The following LRRC4C variants were observed in gnomAD, a reference collection of about 807,000 sequenced individuals.
LRRC4C encodes the protein leucine rich repeat containing 4C.
In LRRC4C, 5 loss-of-function variants were observed where a neutral mutation model predicts 33.6. The observed-to-expected ratio is 0.15, with a 90% confidence interval of 0.08 to 0.31. LRRC4C has a LOEUF of 0.31. Ranked by LOEUF, LRRC4C falls within the 10% of genes least tolerant of loss-of-function variation. The pLI, the probability that LRRC4C is intolerant of heterozygous loss-of-function variation, is 1.00. For missense variants in LRRC4C, 560 were observed against 796.7 expected (o/e 0.70, Z 3.58); for synonymous variants, 329 against 302.0 (o/e 1.09, Z -0.93).
intron 1 of LRRC4C, among the ~76,000 whole-genome samples, chr11:41,220,716 A>G (rs1947269949): frequency 6.6e-6 from 1 of 152,206 alleles, no homozygotes; most frequent in Non-Finnish European, 1.5e-5. Context: ...TTTAATAAAC[A>G]TAACTAAAAG....
At chr11:40,825,415 T>A (rs1952118651) in intron 2 of LRRC4C, among the ~76,000 whole-genome samples, 1 of 152,050 alleles carries the variant, frequency 6.6e-6, no homozygotes, top group Non-Finnish European at 1.5e-5. Flanking sequence ...TACTGCCTAG[T>A]TCCTCTCTCC....
intron 1 of LRRC4C, among the ~76,000 whole-genome samples, chr11:41,174,341 G>T (rs1324115345): frequency 9.2e-5 from 14 of 151,978 alleles, no homozygotes; most frequent in Admixed American, 9.2e-4. Flanking sequence ...TCAAATAACA[G>T]AATAAAATAA....
intron 3 of LRRC4C, among the ~76,000 whole-genome samples, chr11:40,553,682 T>G (rs181484094): frequency 6.6e-6 from 1 of 152,220 alleles, no homozygotes; most frequent in Non-Finnish European, 1.5e-5. Context: ...ATTAGTGATG[T>G]TGAGAATTTT....
At chr11:40,311,492 C>A (rs548846771) in intron 4 of LRRC4C, among the ~76,000 whole-genome samples, 1 of 152,132 alleles carries the variant, frequency 6.6e-6, no homozygotes, top group Non-Finnish European at 1.5e-5. Flanking sequence ...AAAATAAGAT[C>A]ACATACAAAT....
intron 2 of LRRC4C, among the ~76,000 whole-genome samples, chr11:40,912,238 T>C (rs1055035074): frequency 6.6e-6 from 1 of 152,012 alleles, no homozygotes; most frequent in African/African-American, 2.4e-5. Context: ...CCAAGACACA[T>C]AATTGTCAGA....
intron 4 of LRRC4C, among the ~76,000 whole-genome samples, chr11:40,302,637 C>T (rs1291185744): frequency 6.6e-6 from 1 of 152,128 alleles, no homozygotes; most frequent in Admixed American, 6.5e-5. Context: ...TAGGTGCTAA[C>T]ACTTTAGTAC....
chr11:40,784,026 G>T (rs1479199602), intron 2 of LRRC4C, among the ~76,000 whole-genome samples: 1 of 151,926 alleles, frequency 6.6e-6, no homozygotes, highest in Admixed American at 6.6e-5. Flanking sequence ...ATTCTGAGTT[G>T]TCCTTTAGTT....
chr11:41,300,532 G>A (rs1290661271), intron 1 of LRRC4C, among the ~76,000 whole-genome samples: 2 of 152,170 alleles, frequency 1.3e-5, no homozygotes, highest in African/African-American at 2.4e-5. Context: ...CTTCAATGAT[G>A]TGGGAATGTC....
intron 4 of LRRC4C, among the ~76,000 whole-genome samples, chr11:40,282,218 G>A (rs1025864592): frequency 6.6e-6 from 1 of 152,124 alleles, no homozygotes; most frequent in African/African-American, 2.4e-5. Context: ...GGTGGCATGT[G>A]CCTGTAATCC....
At position 40,168,982 on chromosome 11, in the gene LRRC4C, G is replaced by GA. The variant is rs1554963344; in HGVS notation, c.-95-28130_-95-28129insT. Among the ~76,000 whole-genome samples, 24 of 151,154 alleles carry GA rather than the reference G, an allele frequency of 1.6e-4. No individual in the cohort carries two copies. In the South Asian group the frequency reaches 4.6e-3, roughly 29 times the overall value. On this transcript the variant is annotated intron_variant, in intron 5 of 6. Transcript: ENST00000528697. ...ACCCCATGTCCCAGTCTTTACTTTA[G>GA]TTTTTTTTTCCTTCTAATTATTGCA...
At chr11:41,233,690 T>C (rs1947899983) in intron 1 of LRRC4C, among the ~76,000 whole-genome samples, 1 of 152,034 alleles carries the variant, frequency 6.6e-6, no homozygotes, top group South Asian at 2.1e-4. Context: ...TATGATAAAC[T>C]AAACACAGAT....
chr11:40,783,246 A>G (rs958672817), intron 2 of LRRC4C, among the ~76,000 whole-genome samples: 5 of 151,908 alleles, frequency 3.3e-5, no homozygotes, highest in Non-Finnish European at 7.4e-5. Flanking sequence ...ATCTTATAAG[A>G]GATTATTTGG....
At position 41,054,381 on chromosome 11, in the gene LRRC4C, G is replaced by A. The variant is rs377511814; in HGVS notation, c.-495-120658C>T. On this transcript the variant is annotated intron_variant, in intron 1 of 6. Transcript: ENST00000528697. ...AAAGACAGCATGAAACTTGCTCTCC[G>A]TCAGACAGAAGAGGACATTCTGATA... Among the ~76,000 whole-genome samples the A allele has an allele frequency of 3.9e-5, 6 of 152,284 alleles. No individual in the cohort carries two copies. In the South Asian group the frequency reaches 6.2e-4, roughly 16 times the overall value.
chr11:40,532,983 CT>C (rs938693077), intron 3 of LRRC4C, among the ~76,000 whole-genome samples: 2 of 152,056 alleles, frequency 1.3e-5, no homozygotes, highest in African/African-American at 4.8e-5. Context: ...ACCATCAGAT[CT>C]TGTGGGAACT....
chr11:40,717,649 C>T (rs554496748), intron 2 of LRRC4C, among the ~76,000 whole-genome samples: 1 of 152,172 alleles, frequency 6.6e-6, no homozygotes, highest in African/African-American at 2.4e-5. Flanking sequence ...CGCTGTAAAA[C>T]CTGTACACAG....
intron 4 of LRRC4C, among the ~76,000 whole-genome samples, chr11:40,307,359 G>C (rs996102276): frequency 6.6e-6 from 1 of 152,130 alleles, no homozygotes; most frequent in Non-Finnish European, 1.5e-5. Context: ...ATAATCAATA[G>C]AATTGTGGCT....
intron 2 of LRRC4C, among the ~76,000 whole-genome samples, chr11:40,931,286 CT>C (rs1385042434): frequency 2.1e-4 from 32 of 152,196 alleles, no homozygotes; most frequent in Admixed American, 3.3e-4. Context: ...TTTCTTCCTT[CT>C]ATTGTGTACA....
chr11:40,408,230 C>T (rs1460472414), intron 3 of LRRC4C, among the ~76,000 whole-genome samples: 1 of 151,952 alleles, frequency 6.6e-6, no homozygotes, highest in Non-Finnish European at 1.5e-5. Flanking sequence ...TTTCCCCTCA[C>T]AATGTTTCAA....
At chr11:41,249,605 C>T (rs745426260) in intron 1 of LRRC4C, among the ~76,000 whole-genome samples, 12 of 152,266 alleles carry the variant, frequency 7.9e-5, no homozygotes, top group Middle Eastern at 6.8e-3. Flanking sequence ...ACACCAAGCT[C>T]CTTACTGTTC....
Sources: allele counts gnomAD v4.1 joint callset (sites outside exome capture counted in the v4.1 genomes callset), GRCh38; gene constraint gnomAD v4.1.1; transcripts MANE v1.5; gene names NCBI Gene and HGNC (gene_info 2026-07-23, HGNC 2026-07-21).